PSD3: variants seen among roughly 807,000 people sequenced by gnomAD.
PSD3 encodes the protein PH and SEC7 domain-containing protein 3.
PSD3 carries 49 observed loss-of-function variants against 105.5 expected under a neutral mutation model. The ratio of observed to expected loss-of-function variants is 0.46; its 90% CI spans 0.37 to 0.59. PSD3 has a LOEUF of 0.59. Ranked by LOEUF, PSD3 falls within the 20% of genes least tolerant of loss-of-function variation. The pLI is 0.00. For synonymous variants in PSD3, 557 were observed against 457.8 expected (o/e 1.22, Z -2.77); for missense variants, 1,561 against 1,263.8 (o/e 1.24, Z -3.57).
chr8:19,080,044 C>T (rs993543139), intron 1 of PSD3, among the ~76,000 whole-genome samples: 3 of 152,082 alleles, frequency 2.0e-5, no homozygotes, highest in African/African-American at 7.2e-5. Flanking sequence ...CACCCACCAC[C>T]ATGCCTGGCT....
At chr8:18,621,249 A>C (rs1806089466) in intron 11 of PSD3, among the ~76,000 whole-genome samples, 1 of 152,150 alleles carries the variant, frequency 6.6e-6, no homozygotes, top group Non-Finnish European at 1.5e-5. Context: ...CTCTACTAAA[A>C]ACACAAAAAT....
intron 8 of PSD3, among the ~76,000 whole-genome samples, chr8:18,796,472 T>C (rs146853576): frequency 6.6e-5 from 10 of 152,280 alleles, no homozygotes; most frequent in Middle Eastern, 3.4e-3. Context: ...AGGGGAAAGT[T>C]AGAAAAAGAA....
At chr8:18,764,064 G>A (rs542198755) in intron 9 of PSD3, among the ~76,000 whole-genome samples, 164 of 152,170 alleles carry the variant, frequency 1.1e-3, no homozygotes, top group Admixed American at 2.0e-3. Context: ...ATACAGCTCC[G>A]CCAAACATGC....
At chr8:19,068,246 A>AT in intron 1 of PSD3, among the ~76,000 whole-genome samples, 1 of 151,838 alleles carries the variant, frequency 6.6e-6, no homozygotes, top group Non-Finnish European at 1.5e-5. Flanking sequence ...TTTAAAAAAA[A>AT]ATAGATTCAG....
rs551180493 is a variant in PSD3, at chr8:18,902,658, T to C, written c.131-29925A>G. ...TCTTCCAAACTTACTAGACTGGCTT[T>C]TGTACAGAAAGACTTTGACCTTCAG... On this transcript the variant is annotated intron_variant, in intron 2 of 15. Coordinates refer to ENST00000327040, the MANE Select transcript of PSD3 (RefSeq NM_015310.4). Among the ~76,000 whole-genome samples the C allele has an allele frequency of 5.3e-4, 80 of 152,326 alleles. 1 individual carries two copies. In the South Asian group the frequency reaches 0.016, roughly 30 times the overall value.
chr8:19,060,375 A>G (rs528936600), intron 1 of PSD3, among the ~76,000 whole-genome samples: 1 of 152,320 alleles, frequency 6.6e-6, no homozygotes, highest in African/African-American at 2.4e-5. Context: ...TGATTTCCTT[A>G]TATCTGTAAC....
At chr8:18,735,553 G>A (rs946208972) in intron 9 of PSD3, among the ~76,000 whole-genome samples, 2 of 152,150 alleles carry the variant, frequency 1.3e-5, no homozygotes, top group Non-Finnish European at 2.9e-5. Context: ...GTAGTTAAAT[G>A]GAGGGTAGGT....
intron 10 of PSD3, among the ~76,000 whole-genome samples, chr8:18,644,964 T>G (rs1807923785): frequency 6.6e-6 from 1 of 152,234 alleles, no homozygotes; most frequent in Non-Finnish European, 1.5e-5. Context: ...AACCCCCACC[T>G]GCTCTCTTGT....
chr8:18,568,960 G>C (rs1324598961), intron 14 of PSD3, among the ~76,000 whole-genome samples: 4 of 147,386 alleles, frequency 2.7e-5, no homozygotes, highest in Middle Eastern at 3.4e-3. Context: ...TGTGGTGTTT[G>C]GTTTTTTGTT....
intron 9 of PSD3, among the ~76,000 whole-genome samples, chr8:18,744,246 C>G (rs1804806951): frequency 6.6e-6 from 1 of 152,120 alleles, no homozygotes. Context: ...ATTCCTGGTT[C>G]ATAAGTAGGT....
intron 14 of PSD3, among the ~76,000 whole-genome samples, chr8:18,562,307 G>A (rs879543623): frequency 6.6e-6 from 1 of 152,190 alleles, no homozygotes; most frequent in Non-Finnish European, 1.5e-5. Context: ...TAGAGAAGAT[G>A]GAGATCCAGA....
intron 1 of PSD3, among the ~76,000 whole-genome samples, chr8:18,996,205 G>C (rs1391168615): frequency 6.6e-6 from 1 of 151,856 alleles, no homozygotes; most frequent in Non-Finnish European, 1.5e-5. Context: ...TGAACATTTA[G>C]TTGACTGAAT....
At chr8:18,536,223 T>A (rs1200894245) in intron 15 of PSD3, among the ~76,000 whole-genome samples, 3 of 152,224 alleles carry the variant, frequency 2.0e-5, no homozygotes. Flanking sequence ...AGTTGCTGGC[T>A]ACCAGATGGA....
chr8:18,548,715 C>T (rs1800589759), intron 15 of PSD3, among the ~76,000 whole-genome samples: 2 of 152,168 alleles, frequency 1.3e-5, no homozygotes, highest in African/African-American at 2.4e-5. Flanking sequence ...AGGTAGTTTG[C>T]ACTTGCTATC....
chr8:18,714,980 G>A (rs1458757905), intron 9 of PSD3, among the ~76,000 whole-genome samples: 3 of 152,140 alleles, frequency 2.0e-5, no homozygotes, highest in Admixed American at 6.5e-5. Context: ...TTCTTTTGCA[G>A]GGACATGGAT....
chr8:18,758,802 T>C (rs1806270646), intron 9 of PSD3, among the ~76,000 whole-genome samples: 1 of 152,170 alleles, frequency 6.6e-6, no homozygotes, highest in African/African-American at 2.4e-5. Flanking sequence ...ACAACATATA[T>C]AATCCTTTCA....
At chr8:18,926,883 C>T (rs911820194) in intron 2 of PSD3, among the ~76,000 whole-genome samples, 11 of 152,150 alleles carry the variant, frequency 7.2e-5, no homozygotes, top group African/African-American at 2.4e-4. Flanking sequence ...AACCCCATGC[C>T]CTAACCCCAC....
intron 1 of PSD3, among the ~76,000 whole-genome samples, chr8:18,949,221 C>CAAAAAAAAAAAA (rs1213755572): frequency 8.4e-4 from 10 of 11,900 alleles, no homozygotes; most frequent in Non-Finnish European, 1.7e-3. Flanking sequence ...GACTCTGTCT[C>CAAAAAAAAAAAA]AAAAAAAAAA....
At chr8:18,746,914 C>A (rs1805075062) in intron 9 of PSD3, among the ~76,000 whole-genome samples, 1 of 152,244 alleles carries the variant, frequency 6.6e-6, no homozygotes, top group Non-Finnish European at 1.5e-5. Flanking sequence ...AGGGCACATT[C>A]AGTGAGGACT....
Sources: gnomAD v4.1 joint callset for allele counts (sites outside exome capture counted in the v4.1 genomes callset) on GRCh38, gnomAD v4.1.1 for gene constraint, MANE v1.5 for transcripts, NCBI Gene and HGNC (gene_info 2026-07-23, HGNC 2026-07-21) for gene names.